The following COL11A1 variants were observed in gnomAD, a reference collection of about 807,000 sequenced individuals.
The protein encoded by COL11A1 is collagen alpha-1(XI) chain.
Under a neutral mutation model 265.2 loss-of-function variants are expected in COL11A1, and 74 were observed. The observed-to-expected ratio is 0.28, with a 90% CI of 0.23 to 0.34. The LOEUF is 0.34. COL11A1 is among the 10% of genes least tolerant of loss of function. The probability of loss-of-function intolerance (pLI) is 1.00; values close to 1 mark genes in which losing one functional copy is unlikely to be tolerated. For missense variants in COL11A1, 2,165 were observed against 2,263.6 expected, an observed-to-expected ratio of 0.96 and a Z score of 0.88; for synonymous variants, 816 against 727.6, an observed-to-expected ratio of 1.12 and a Z score of -1.96.
At chr1:102,936,424 T>G (rs530790191) in intron 44 of COL11A1, among the ~76,000 whole-genome samples, 2 of 152,072 alleles carry the variant, frequency 1.3e-5, no homozygotes, top group Non-Finnish European at 2.9e-5. Context: ...AAATAATAAG[T>G]GTGATTATAA....
chr1:102,912,749 G>A (rs1235921027), intron 53 of COL11A1, among the ~76,000 whole-genome samples: 1 of 152,100 alleles, frequency 6.6e-6, no homozygotes, highest in African/African-American at 2.4e-5. Context: ...AGTGATGGGG[G>A]TGGTTACTCA....
intron 40 of COL11A1, 49 bp downstream of exon 40, chr1:102,962,127 A>G: frequency 6.8e-7 from 1 of 1,462,594 alleles, no homozygotes; most frequent in African/African-American, 1.4e-5. Context: ...AAATGCTTCT[A>G]ATAAACAATT....
At position 103,041,965 on chromosome 1, in the gene COL11A1, C is replaced by T. The variant is rs138545921; in HGVS notation, c.652-10721G>A. Among the ~76,000 whole-genome samples the T allele has an allele frequency of 6.0e-3, 909 of 151,880 alleles. 12 individuals are homozygous for T. The highest frequency in any genetic ancestry group is 0.02 in the African/African-American group (840 of 41,460). On this transcript the variant is annotated intron_variant, in intron 4 of 66. Coordinates refer to ENST00000370096, the MANE Select transcript of COL11A1 (RefSeq NM_001854.4). ...ATTTTAGGAAAAGCTATATTTTGTT[C>T]CCAAAACAAAATGTTTTCTTTTGTG...
intron 4 of COL11A1, among the ~76,000 whole-genome samples, chr1:103,049,834 T>G (rs936295516): frequency 8.5e-5 from 13 of 152,176 alleles, no homozygotes; most frequent in Non-Finnish European, 7.3e-5. Flanking sequence ...GTCTGTAAAG[T>G]ATTTTATTTC....
rs1267874459 is a variant in COL11A1, at chr1:103,108,275, AC to A, written c.-98del. 7.7e-6 allele frequency: 7 copies of A among 906,678 alleles called. No homozygotes were observed. Among genetic ancestry groups the A allele is most frequent in the Non-Finnish European group, 7.3e-6 (4 of 550,508 alleles). 56.2% of individuals were successfully genotyped at this position (906,678 alleles called of 1,614,324 possible). ...CAAGGTATCGCCAGGGATGTTTGCT[AC>A]ACAGCCATTGGGGAGGGAGAGGGGG... On this transcript the variant is annotated 5_prime_UTR_variant, in exon 1 of 67. The change abolishes the stop of an existing upstream ORF in the 5' untranslated region. Transcript: ENST00000370096.
intron 37 of COL11A1, 24 bp from the exon 38 acceptor site, chr1:102,965,564 T>C (rs1661328120): frequency 1.2e-6 from 2 of 1,604,906 alleles, no homozygotes; most frequent in African/African-American, 1.3e-5. Flanking sequence ...GTATTATTTG[T>C]AAAAGCTACA....
At chr1:103,006,897 A>G (rs1308556893) in intron 15 of COL11A1, among the ~76,000 whole-genome samples, 1 of 152,174 alleles carries the variant, frequency 6.6e-6, no homozygotes, top group African/African-American at 2.4e-5. Context: ...TACACATTTT[A>G]TTCCCCAAAC....
chr1:103,108,427 C>G lies in COL11A1; in HGVS notation c.-249G>C, dbSNP rs1674890000. 3 of 604,596 alleles carry G rather than the reference C, an allele frequency of 5.0e-6. No homozygotes were observed. In the South Asian group the frequency reaches 6.0e-5, roughly 12 times the overall value. The allele number at this position is 604,596 out of a possible 1,614,324, so 37.5% of individuals were successfully genotyped here. A position where few individuals can be genotyped will look rare whatever the true frequency, so the allele number is the denominator to read the frequency against. On this transcript the variant is annotated 5_prime_UTR_variant, in exon 1 of 67. Coordinates refer to ENST00000370096, the MANE Select transcript of COL11A1 (RefSeq NM_001854.4). Reference sequence around the variant, plus strand: ...TCCGGCCGCGACCCTCTGATCCTTCCTCTGCCGGGCCCTGCCTTCAGAATG... The same window carrying G: ...TCCGGCCGCGACCCTCTGATCCTTCGTCTGCCGGGCCCTGCCTTCAGAATG...
chr1:103,004,020 T>C (rs1245176990), intron 20 of COL11A1, among the ~76,000 whole-genome samples: 1 of 152,202 alleles, frequency 6.6e-6, no homozygotes, highest in Non-Finnish European at 1.5e-5. Flanking sequence ...CAGATCAGTT[T>C]CCTCATTTGT....
chr1:103,002,008 A>G (rs750185891), intron 23 of COL11A1, 39 bp from the exon 24 acceptor site: 26 of 1,543,376 alleles, frequency 1.7e-5, no homozygotes, highest in Non-Finnish European at 1.8e-5. Context: ...CAGATATCAA[A>G]TCACAGTAAT....
intron 12 of COL11A1, among the ~76,000 whole-genome samples, chr1:103,015,314 T>C (rs1379673677): frequency 1.3e-5 from 2 of 151,924 alleles, no homozygotes; most frequent in African/African-American, 2.4e-5. Flanking sequence ...AAATAAATAC[T>C]ATTTATGACT....
At chr1:103,027,056 T>C (rs1057205772) in intron 5 of COL11A1, among the ~76,000 whole-genome samples, 1 of 151,716 alleles carries the variant, frequency 6.6e-6, no homozygotes, top group Non-Finnish European at 1.5e-5. Context: ...ACTGCCTTTT[T>C]CTCTATTAAA....
chr1:103,022,927 T>G lies in COL11A1; in HGVS notation c.1060A>C (p.Asn354His), dbSNP rs770334750. Residue 354 changes from asparagine to histidine, a missense_variant, in exon 8 of 67, where the codon AAT becomes CAT. Asn to His is a moderately conservative substitution (Grantham distance 68). Transcript: ENST00000370096. ...TGEDYDSQRK[N>H]SEDTLYENKE... is the part of the protein sequence containing the mutation. The stretch of plus-strand genomic sequence containing the variant: ...TTTTCATATAGTGTATCCTCAGAAT[T>G]TTTCCTCTGGGAATCATAATCCTCT... 6.2e-7 allele frequency: 1 copy of G among 1,613,704 alleles called. No homozygotes were observed. The highest frequency in any genetic ancestry group is 1.7e-5 in the Admixed American group (1 of 60,016).
intron 3 of COL11A1, among the ~76,000 whole-genome samples, chr1:103,075,952 A>G (rs777492706): frequency 6.6e-6 from 1 of 152,164 alleles, no homozygotes; most frequent in Admixed American, 6.6e-5. Flanking sequence ...TAAAATTTAC[A>G]CATACTTCAT....
chr1:102,989,551 T>C lies in COL11A1; in HGVS notation c.2361A>G (p.Gly787=). The part of the protein sequence containing the change: ...KGEKGEDGFP[G]FKGDMGLKGD... ...CTTTTAGACCCATGTCACCTTTGAA[T>C]CCTGGAAAACCATCTTCACCCTAAA... is the stretch of plus-strand genomic sequence containing the variant. The change falls in exon 29 of 67, where the codon GGA becomes GGG. Residue 787 remains glycine, a synonymous_variant. Coordinates refer to ENST00000370096, the MANE Select transcript of COL11A1 (RefSeq NM_001854.4). 6.2e-7 allele frequency: 1 copy of C among 1,611,492 alleles called. No homozygotes were observed. Among genetic ancestry groups the C allele is most frequent in the Non-Finnish European group, 8.5e-7 (1 of 1,178,146 alleles).
intron 4 of COL11A1, among the ~76,000 whole-genome samples, chr1:103,058,330 G>A (rs1414646100): frequency 1.3e-5 from 2 of 152,136 alleles, no homozygotes; most frequent in Non-Finnish European, 2.9e-5. Flanking sequence ...AGAATGTTGT[G>A]GCTGGTTTGA....
chr1:102,987,047 T>A (rs1663634839), intron 30 of COL11A1, among the ~76,000 whole-genome samples: 1 of 152,106 alleles, frequency 6.6e-6, no homozygotes, highest in South Asian at 2.1e-4. Context: ...GATTCTTTCA[T>A]CCTTTAATCA....
chr1:103,071,036 T>C (rs964983500), intron 4 of COL11A1, among the ~76,000 whole-genome samples: 1 of 151,982 alleles, frequency 6.6e-6, no homozygotes, highest in African/African-American at 2.4e-5. Flanking sequence ...TGTTATAAAT[T>C]ATTATTCATT....
At chr1:103,083,339 T>A (rs1672587886) in intron 1 of COL11A1, among the ~76,000 whole-genome samples, 1 of 152,048 alleles carries the variant, frequency 6.6e-6, no homozygotes, top group African/African-American at 2.4e-5. Context: ...AACATTCATA[T>A]GTATCTCAAT....
Sources: allele counts gnomAD v4.1 joint callset (sites outside exome capture counted in the v4.1 genomes callset), GRCh38; gene constraint gnomAD v4.1.1; transcripts MANE v1.5; gene names NCBI Gene and HGNC (gene_info 2026-07-23, HGNC 2026-07-21).